CDH8: variants seen among roughly 807,000 people sequenced by gnomAD.
CDH8 encodes cadherin-8.
In CDH8, 17 loss-of-function variants were observed where a neutral mutation model predicts 68.1. That is an observed-to-expected ratio of 0.25 (90% confidence interval 0.17 to 0.37). The LOEUF (loss-of-function observed/expected upper bound fraction) is 0.37. Ranked by LOEUF, CDH8 falls within the 10% of genes least tolerant of loss-of-function variation. CDH8 has a pLI of 1.00. For synonymous variants in CDH8, 372 were observed against 365.1 expected, an observed-to-expected ratio of 1.02 and a Z score of -0.21; for missense variants, 763 against 999.3, an observed-to-expected ratio of 0.76 and a Z score of 3.19.
chr16:61,652,658 A>C lies in CDH8; in HGVS notation c.*950T>G. ...TATATATTTATATAAAACAATCTAA[A>C]GGATTATTAATGGATATAATTTAGT... On this transcript the variant is annotated 3_prime_UTR_variant, in exon 12 of 12. Transcript: ENST00000577390. 1 of 1,136,600 alleles carries C rather than the reference A, an allele frequency of 8.8e-7. No homozygotes were observed. The highest frequency in any genetic ancestry group is 1.1e-6 in the Non-Finnish European group (1 of 896,750). 70.4% of individuals were successfully genotyped at this position (1,136,600 alleles called of 1,614,324 possible). A position where few individuals can be genotyped will look rare whatever the true frequency, so the allele number is the denominator to read the frequency against.
intron 2 of CDH8, among the ~76,000 whole-genome samples, chr16:61,992,077 T>TGTGTGTGTGTGTGTGAGA (rs34925928): frequency 6.8e-4 from 98 of 144,246 alleles, no homozygotes; most frequent in African/African-American, 2.3e-3. Context: ...TGTGTGTGTG[T>TGTGTGTGTGTGTGTGAGA]GAGAGAGAGA....
intron 3 of CDH8, among the ~76,000 whole-genome samples, chr16:61,893,442 G>C (rs1318442416): frequency 1.3e-5 from 2 of 150,610 alleles, no homozygotes; most frequent in African/African-American, 4.9e-5. Flanking sequence ...GTGTGTGTGT[G>C]TACATTCTCC....
intron 2 of CDH8, among the ~76,000 whole-genome samples, chr16:61,983,919 T>C (rs1426104690): frequency 7.0e-6 from 1 of 142,084 alleles, no homozygotes; most frequent in East Asian, 2.0e-4. Context: ...TTTTATTTTA[T>C]TTTATTTTAT....
chr16:61,763,517 T>C (rs1438026807), intron 8 of CDH8, among the ~76,000 whole-genome samples: 5 of 152,148 alleles, frequency 3.3e-5, no homozygotes, highest in Admixed American at 3.3e-4. Context: ...AAAATAATAC[T>C]GTTGGGAGCT....
At chr16:61,802,030 G>C (rs8048599) in intron 7 of CDH8, among the ~76,000 whole-genome samples, 2 of 133,946 alleles carry the variant, frequency 1.5e-5, no homozygotes, top group African/African-American at 2.9e-5. Flanking sequence ...GACAAACAAA[G>C]AGACAGCAGA....
Position 61,827,487 on chromosome 16 carries a change from C to T in CDH8, c.668-2308G>A, listed in dbSNP as rs542544571. 6.4e-4 allele frequency among the ~76,000 whole-genome samples: 98 copies of T among 151,992 alleles called. 1 individual carries two copies. The highest frequency in any genetic ancestry group is 7.1e-4 in the Non-Finnish European group (48 of 67,890). On this transcript the variant is annotated intron_variant, in intron 4 of 11. Coordinates refer to ENST00000577390, the MANE Select transcript of CDH8 (RefSeq NM_001796.5). ...AAAAAAGATTGGTATGTATTATTCT[C>T]ATCATTTCTTTTATATGTTGTGAAA...
At chr16:61,828,204 T>C (rs1343647780) in intron 4 of CDH8, among the ~76,000 whole-genome samples, 3 of 151,670 alleles carry the variant, frequency 2.0e-5, no homozygotes, top group African/African-American at 7.3e-5. Flanking sequence ...ACCATGACAG[T>C]TTACGAATGC....
At chr16:61,943,930 C>A (rs1312564876) in intron 2 of CDH8, among the ~76,000 whole-genome samples, 1 of 152,144 alleles carries the variant, frequency 6.6e-6, no homozygotes, top group Non-Finnish European at 1.5e-5. Flanking sequence ...AGAAGGGAAT[C>A]AATTTACCAA....
chr16:61,860,473 G>GA (rs993438792), intron 3 of CDH8, among the ~76,000 whole-genome samples: 1 of 152,054 alleles, frequency 6.6e-6, no homozygotes, highest in African/African-American at 2.4e-5. Flanking sequence ...CAGAGTTACC[G>GA]AAAGAACTAA....
chr16:61,743,720 G>T (rs1959939782), intron 8 of CDH8, among the ~76,000 whole-genome samples: 1 of 151,446 alleles, frequency 6.6e-6, no homozygotes, highest in Non-Finnish European at 1.5e-5. Flanking sequence ...CTCATTTTCA[G>T]CCCCTTTGAA....
At chr16:61,933,446 A>G (rs527809271) in intron 2 of CDH8, among the ~76,000 whole-genome samples, 58 of 152,336 alleles carry the variant, frequency 3.8e-4, no homozygotes, top group African/African-American at 1.3e-3. Context: ...ACATGTCCAG[A>G]CATGTATTTT....
At chr16:61,728,900 C>T (rs1181415354) in intron 8 of CDH8, among the ~76,000 whole-genome samples, 1 of 151,004 alleles carries the variant, frequency 6.6e-6, no homozygotes, top group African/African-American at 2.4e-5. Flanking sequence ...AGAAATTTAA[C>T]ACTTTTGTTA....
chr16:61,856,274 TA>T (rs1203486220), intron 4 of CDH8, among the ~76,000 whole-genome samples: 1 of 152,032 alleles, frequency 6.6e-6, no homozygotes, highest in Non-Finnish European at 1.5e-5. Flanking sequence ...GAAGAAAATA[TA>T]CAAAAAAAAT....
rs140944106 is a variant in CDH8, at chr16:62,019,603, T to A, written c.252+1549A>T. On this transcript the variant is annotated intron_variant, in intron 2 of 11. Transcript: ENST00000577390. Reference sequence around the variant, plus strand: ...TGTAATCAACCACATTAACATTTTTTGCAGCAAAATATATGAACAGTCACA... The same window carrying A: ...TGTAATCAACCACATTAACATTTTTAGCAGCAAAATATATGAACAGTCACA... 2.6e-3 allele frequency among the ~76,000 whole-genome samples: 397 copies of A among 152,290 alleles called. 3 individuals carry two copies. The highest frequency in any genetic ancestry group is 9.1e-3 in the African/African-American group (379 of 41,562).
At chr16:61,719,408 G>A (rs1243117481) in intron 9 of CDH8, among the ~76,000 whole-genome samples, 3 of 150,836 alleles carry the variant, frequency 2.0e-5, no homozygotes, top group Non-Finnish European at 4.5e-5. Flanking sequence ...CCAATACAAC[G>A]CTAGGATTCC....
intron 4 of CDH8, among the ~76,000 whole-genome samples, chr16:61,838,678 T>C (rs1163038654): frequency 1.3e-5 from 2 of 152,180 alleles, no homozygotes; most frequent in Non-Finnish European, 2.9e-5. Context: ...TTTTATGCTG[T>C]GTAATGCTGA....
At chr16:61,932,207 CAAA>C (rs35261724) in intron 2 of CDH8, among the ~76,000 whole-genome samples, 6 of 83,558 alleles carry the variant, frequency 7.2e-5, no homozygotes, top group African/African-American at 9.6e-5. Context: ...AACTCCGTCT[CAAA>C]AAAAAAAAAA....
At chr16:61,847,985 A>T (rs1389357692) in intron 4 of CDH8, among the ~76,000 whole-genome samples, 2 of 151,992 alleles carry the variant, frequency 1.3e-5, no homozygotes. Flanking sequence ...TTAATCTTTG[A>T]TGCTGTTAGA....
intron 8 of CDH8, among the ~76,000 whole-genome samples, chr16:61,768,328 C>T (rs1960655499): frequency 9.3e-6 from 1 of 107,764 alleles, no homozygotes; most frequent in Non-Finnish European, 1.9e-5. Flanking sequence ...CTCTCTCTCT[C>T]TCTCTCTCTC....
Sources: gnomAD v4.1 joint callset for allele counts (sites outside exome capture counted in the v4.1 genomes callset) on GRCh38, gnomAD v4.1.1 for gene constraint, MANE v1.5 for transcripts, NCBI Gene and HGNC (gene_info 2026-07-23, HGNC 2026-07-21) for gene names.